The following RGS7 variants were observed in gnomAD, a reference collection of about 807,000 sequenced individuals.
RGS7 encodes regulator of G-protein signaling 7.
A neutral mutation model predicts 81.1 loss-of-function variants in RGS7; 27 were observed. The observed-to-expected ratio is 0.33, with a 90% CI of 0.25 to 0.46. RGS7 has a LOEUF of 0.46. Among genes scored for constraint, RGS7 ranks in the 20% least tolerant of loss-of-function variants. The pLI is 1.00. For synonymous variants in RGS7, 208 were observed against 207.7 expected (o/e 1.00, Z -0.01); for missense variants, 396 against 607.4 (o/e 0.65, Z 3.66).
chr1:240,935,283 A>T (rs979446989), intron 5 of RGS7, among the ~76,000 whole-genome samples: 4 of 152,106 alleles, frequency 2.6e-5, no homozygotes, highest in Admixed American at 6.5e-5. Context: ...AGATTTCTTT[A>T]AAAAAATCAG....
At chr1:241,058,597 T>G (rs1451355078) in intron 3 of RGS7, among the ~76,000 whole-genome samples, 2 of 152,238 alleles carry the variant, frequency 1.3e-5, no homozygotes, top group African/African-American at 4.8e-5. Flanking sequence ...CATATTTTGT[T>G]GCCATGTGAC....
chr1:240,861,635 A>C (rs1662210904), intron 9 of RGS7, among the ~76,000 whole-genome samples: 1 of 152,186 alleles, frequency 6.6e-6, no homozygotes, highest in South Asian at 2.1e-4. Context: ...GTAAACCAAT[A>C]AACTTTATTC....
At chr1:240,845,017 AAGGGAAATATT>A (rs1658813788) in intron 9 of RGS7, among the ~76,000 whole-genome samples, 1 of 152,218 alleles carries the variant, frequency 6.6e-6, no homozygotes, top group South Asian at 2.1e-4. Flanking sequence ...GATATCTTCC[AAGGGAAATATT>A]AGGGAAAATA....
At chr1:241,066,852 T>C (rs376261841) in intron 3 of RGS7, among the ~76,000 whole-genome samples, 6 of 152,212 alleles carry the variant, frequency 3.9e-5, no homozygotes, top group African/African-American at 1.2e-4. Context: ...GGAAATAAGA[T>C]AGAATCTTCA....
intron 2 of RGS7, among the ~76,000 whole-genome samples, chr1:241,337,302 C>T (rs2082297608): frequency 6.6e-6 from 1 of 152,128 alleles, no homozygotes; most frequent in Non-Finnish European, 1.5e-5. Context: ...CTTGCCCTGA[C>T]TCAAACGGCC....
chr1:240,920,048 G>A, intron 6 of RGS7: 1 of 1,079,568 alleles, frequency 9.3e-7, no homozygotes, highest in East Asian at 2.3e-5. Flanking sequence ...AAATTGAAGG[G>A]ATTGAAATCA....
At chr1:241,223,236 C>A (rs935579540) in intron 2 of RGS7, among the ~76,000 whole-genome samples, 1 of 152,178 alleles carries the variant, frequency 6.6e-6, no homozygotes, top group African/African-American at 2.4e-5. Context: ...GTAATGCTGG[C>A]AGCTATAACA....
intron 9 of RGS7, among the ~76,000 whole-genome samples, chr1:240,848,867 T>G (rs1293059316): frequency 1.3e-5 from 2 of 152,106 alleles, no homozygotes; most frequent in Non-Finnish European, 2.9e-5. Flanking sequence ...GCAAAATAAC[T>G]AGGAAAAACC....
intron 2 of RGS7, among the ~76,000 whole-genome samples, chr1:241,244,224 T>A (rs1005654588): frequency 6.6e-6 from 1 of 152,184 alleles, no homozygotes; most frequent in Non-Finnish European, 1.5e-5. Flanking sequence ...AAAGGGCTAA[T>A]ATCCAGAATC....
chr1:240,989,737 TAAC>T (rs532462628), intron 3 of RGS7, among the ~76,000 whole-genome samples: 2 of 152,120 alleles, frequency 1.3e-5, no homozygotes, highest in Admixed American at 6.6e-5. Context: ...AAGATTAATA[TAAC>T]AACAACAACA....
intron 4 of RGS7, among the ~76,000 whole-genome samples, chr1:240,960,254 T>C (rs1474926556): frequency 7.5e-6 from 1 of 134,202 alleles, no homozygotes; most frequent in South Asian, 2.5e-4. Context: ...GTTGTTGGGG[T>C]TTTTTTTGAG....
At chr1:240,823,205 ACTT>A (rs1361083143) in intron 10 of RGS7, 3 of 860,156 alleles carry the variant, frequency 3.5e-6, no homozygotes, top group East Asian at 2.5e-5. Context: ...GTGTCCATGG[ACTT>A]CTTCGTATTC....
intron 4 of RGS7, among the ~76,000 whole-genome samples, chr1:240,968,126 A>G (rs1203446207): frequency 6.6e-6 from 1 of 152,156 alleles, no homozygotes; most frequent in Non-Finnish European, 1.5e-5. Flanking sequence ...GATGGGGTGC[A>G]CCCATCACTT....
chr1:241,220,971 AAG>A (rs2074882243), intron 2 of RGS7, among the ~76,000 whole-genome samples: 1 of 95,782 alleles, frequency 1.0e-5, no homozygotes, highest in Non-Finnish European at 2.2e-5. Flanking sequence ...GGAAGGAAGG[AAG>A]GAAGGAAGGA....
At chr1:241,091,711 C>A (rs1232739698) in intron 3 of RGS7, among the ~76,000 whole-genome samples, 1 of 151,688 alleles carries the variant, frequency 6.6e-6, no homozygotes, top group Non-Finnish European at 1.5e-5. Flanking sequence ...TGCAGTGAGA[C>A]CCTATCACTA....
At chr1:240,986,162 C>T (rs1407895724) in intron 3 of RGS7, among the ~76,000 whole-genome samples, 1 of 152,064 alleles carries the variant, frequency 6.6e-6, no homozygotes, top group Admixed American at 6.6e-5. Context: ...TTTAGAGTTG[C>T]AGAGCTTTGT....
At chr1:240,948,840 C>A (rs1558511236) in intron 4 of RGS7, among the ~76,000 whole-genome samples, 1 of 149,546 alleles carries the variant, frequency 6.7e-6, no homozygotes, top group East Asian at 1.9e-4. Context: ...GTATAACATA[C>A]ATATATATTA....
intron 3 of RGS7, among the ~76,000 whole-genome samples, chr1:241,081,539 G>A (rs1202897643): frequency 6.6e-6 from 1 of 152,164 alleles, no homozygotes; most frequent in Non-Finnish European, 1.5e-5. Flanking sequence ...AAAGTACATC[G>A]ATTTCCCCTT....
chr1:240,997,659 T>C lies in RGS7; in HGVS notation c.176-14530A>G, dbSNP rs530322799. On this transcript the variant is annotated intron_variant, in intron 3 of 18. Coordinates refer to ENST00000440928, the MANE Select transcript of RGS7 (RefSeq NM_001364886.1). ...GACCAACATGGGGAAACCCCATCTC[T>C]ACTAAAAATACAAAAATTAGTCGAG... Among the ~76,000 whole-genome samples the C allele has an allele frequency of 2.0e-5, 3 of 152,262 alleles. No homozygotes were observed. The South Asian group carries it at 6.2e-4, about 32-fold the overall frequency.
Sources: allele counts gnomAD v4.1 joint callset (sites outside exome capture counted in the v4.1 genomes callset), GRCh38; gene constraint gnomAD v4.1.1; transcripts MANE v1.5; gene names NCBI Gene and HGNC (gene_info 2026-07-23, HGNC 2026-07-21).